The following NDST4 variants were observed in gnomAD, a reference collection of about 807,000 sequenced individuals.
The protein encoded by NDST4 is N-heparan sulfate sulfotransferase 4.
Under a neutral mutation model 100.8 loss-of-function variants are expected in NDST4, and 63 were observed. The ratio of observed to expected loss-of-function variants is 0.62; its 90% CI spans 0.51 to 0.77. The LOEUF (loss-of-function observed/expected upper bound fraction) is 0.77. Among genes scored for constraint, NDST4 ranks in the 30% least tolerant of loss-of-function variants. NDST4 has a pLI of 0.00. For synonymous variants in NDST4, 377 were observed against 361.8 expected (o/e 1.04, Z -0.48); for missense variants, 943 against 1,018.4 (o/e 0.93, Z 1.01).
chr4:114,888,170 C>T (rs898508986), intron 6 of NDST4, among the ~76,000 whole-genome samples: 6 of 151,416 alleles, frequency 4.0e-5, no homozygotes, highest in Non-Finnish European at 5.9e-5. Context: ...GCCACTGCAC[C>T]CCAGCTTGGT....
intron 6 of NDST4, among the ~76,000 whole-genome samples, chr4:114,923,599 A>G (rs1325805136): frequency 6.6e-6 from 1 of 152,148 alleles, no homozygotes; most frequent in East Asian, 1.9e-4. Context: ...TTAGTCATAT[A>G]AACACTGATA....
chr4:115,006,421 T>A (rs900972071), intron 2 of NDST4, among the ~76,000 whole-genome samples: 4 of 152,068 alleles, frequency 2.6e-5, no homozygotes, highest in African/African-American at 9.6e-5. Context: ...AAAAATAATT[T>A]AAAAAAACTG....
intron 2 of NDST4, among the ~76,000 whole-genome samples, chr4:115,038,398 G>A (rs1728277997): frequency 6.6e-6 from 1 of 152,002 alleles, no homozygotes; most frequent in South Asian, 2.1e-4. Flanking sequence ...GAAAGGACAA[G>A]GAAAGCCGTC....
chr4:114,839,506 A>T lies in NDST4; in HGVS notation c.2158T>A (p.Phe720Ile). The change falls in exon 11 of 14, where the codon TTC (phenylalanine) becomes ATC (isoleucine). Residue 720 changes from phenylalanine to isoleucine, a missense_variant. By Grantham distance (21) the Phe-to-Ile change is conservative (BLOSUM62 0). Coordinates refer to ENST00000264363, the MANE Select transcript of NDST4 (RefSeq NM_022569.3). ...TGTCCTGTTGAAATAACTTCATAGA[A>T]ATTGAACCTCAGAGCAGCTGGATCT... Reference protein sequence around the residue: ...HEDPAALRFNFYEVISTGHWA... With the variant: ...HEDPAALRFNIYEVISTGHWA... 1 of 1,613,854 alleles carries T rather than the reference A, an allele frequency of 6.2e-7. No individual in the cohort carries two copies. The highest frequency in any genetic ancestry group is 2.2e-5 in the East Asian group (1 of 44,846).
chr4:115,006,172 A>G (rs1727413548), intron 2 of NDST4, among the ~76,000 whole-genome samples: 1 of 152,096 alleles, frequency 6.6e-6, no homozygotes, highest in African/African-American at 2.4e-5. Flanking sequence ...AACACAAAAC[A>G]TACATTCAGG....
chr4:115,108,178 A>ATATGCATCTCTGCATCTG (rs1304224414), intron 1 of NDST4, among the ~76,000 whole-genome samples: 2 of 152,224 alleles, frequency 1.3e-5, no homozygotes, highest in East Asian at 3.9e-4. Flanking sequence ...TGTTATATGC[A>ATATGCATCTCTGCATCTG]TTCACAGGAG....
At chr4:114,850,685 G>A (rs76882627) in intron 8 of NDST4, among the ~76,000 whole-genome samples, 3,073 of 152,104 alleles carry the variant, frequency 0.02, 132 homozygotes, top group South Asian at 0.18. Flanking sequence ...ATGTACGGGG[G>A]TAAGCCAGGC....
intron 2 of NDST4, among the ~76,000 whole-genome samples, chr4:115,001,407 T>A (rs976854311): frequency 2.6e-5 from 4 of 152,002 alleles, no homozygotes; most frequent in Admixed American, 1.3e-4. Flanking sequence ...AGCACAACCA[T>A]TAGTTTCCCC....
At chr4:114,871,817 T>C (rs1213746398) in intron 6 of NDST4, among the ~76,000 whole-genome samples, 1 of 152,020 alleles carries the variant, frequency 6.6e-6, no homozygotes, top group Non-Finnish European at 1.5e-5. Context: ...GTCTTAAAAA[T>C]TCATTTTACT....
chr4:114,891,807 A>G (rs535201467), intron 6 of NDST4, among the ~76,000 whole-genome samples: 54 of 152,222 alleles, frequency 3.5e-4, no homozygotes, highest in African/African-American at 1.3e-3. Context: ...GAGGCCCTTC[A>G]TGGTCTAACC....
At chr4:114,895,354 C>T (rs549437961) in intron 6 of NDST4, among the ~76,000 whole-genome samples, 1 of 152,244 alleles carries the variant, frequency 6.6e-6, no homozygotes, top group South Asian at 2.1e-4. Flanking sequence ...ATACTATAAA[C>T]ACATCTATGC....
chr4:115,033,129 G>GTATA (rs1728149735), intron 2 of NDST4, among the ~76,000 whole-genome samples: 1 of 55,882 alleles, frequency 1.8e-5, no homozygotes, highest in African/African-American at 7.2e-5. Context: ...ATATATATAT[G>GTATA]TGTATATATA....
chr4:115,003,186 T>G (rs535828980), intron 2 of NDST4, among the ~76,000 whole-genome samples: 1 of 152,250 alleles, frequency 6.6e-6, no homozygotes, highest in Non-Finnish European at 1.5e-5. Context: ...CCATGGCACA[T>G]GTATAGCTAT....
In NDST4 at chr4:114,870,762, T is replaced by C. The variant is rs748981276; in HGVS notation, c.1719+6A>G. 4 of 1,592,470 alleles carry C rather than the reference T, an allele frequency of 2.5e-6. No individual in the cohort carries two copies. Among genetic ancestry groups the C allele is most frequent in the South Asian group, 2.3e-5 (2 of 87,464 alleles). On this transcript the variant is annotated splice_donor_region_variant and intron_variant, in intron 7 of 13. Coordinates refer to ENST00000264363, the MANE Select transcript of NDST4 (RefSeq NM_022569.3). ...TTCCACCCCAAGAGAGAATGTTAAA[T>C]GTTACCTGCCATAGAGGGTCTTTCT... is the stretch of plus-strand genomic sequence containing the variant.
At chr4:114,972,042 C>A (rs1343764948) in intron 3 of NDST4, among the ~76,000 whole-genome samples, 1 of 149,042 alleles carries the variant, frequency 6.7e-6, no homozygotes, top group African/African-American at 2.5e-5. Flanking sequence ...CTTAAAAATT[C>A]TATCTATTGC....
chr4:114,981,460 C>A (rs1209524132), intron 2 of NDST4, among the ~76,000 whole-genome samples: 2 of 152,122 alleles, frequency 1.3e-5, no homozygotes, highest in Admixed American at 6.6e-5. Flanking sequence ...ATGTGCACTT[C>A]ATCATATACT....
chr4:114,933,432 C>CTTTTTTTTTTTTTTTTTTTTTTTT (rs367931653), intron 6 of NDST4, among the ~76,000 whole-genome samples: 2 of 89,280 alleles, frequency 2.2e-5, no homozygotes, highest in East Asian at 4.4e-4. Context: ...TTTTCTTTTC[C>CTTTTTTTTTTTTTTTTTTTTTTTT]TTTTTTTTTT....
intron 2 of NDST4, among the ~76,000 whole-genome samples, chr4:114,988,352 CTTTTTTTTTTTTT>C (rs991019823): frequency 1.1e-4 from 7 of 64,196 alleles, no homozygotes; most frequent in Non-Finnish European, 1.7e-4. Flanking sequence ...ATACACATAT[CTTTTTTTTTTTTT>C]TTTTTTTTTT....
chr4:115,000,349 T>C (rs1441589540), intron 2 of NDST4, among the ~76,000 whole-genome samples: 2 of 151,976 alleles, frequency 1.3e-5, no homozygotes, highest in African/African-American at 4.8e-5. Context: ...TTTTTTTTTA[T>C]TTTTTGCCTC....
Sources: allele counts gnomAD v4.1 joint callset (sites outside exome capture counted in the v4.1 genomes callset), GRCh38; gene constraint gnomAD v4.1.1; transcripts MANE v1.5; gene names NCBI Gene and HGNC (gene_info 2026-07-23, HGNC 2026-07-21).